POSTN: variants seen among roughly 807,000 people sequenced by gnomAD.
POSTN encodes the protein periostin.
POSTN carries 71 observed loss-of-function variants against 104.5 expected under a neutral mutation model. The observed-to-expected ratio is 0.68, with a 90% CI of 0.56 to 0.83. POSTN has a LOEUF of 0.83. Ranked by LOEUF, POSTN falls within the 40% of genes least tolerant of loss-of-function variation. The pLI, the probability that POSTN is intolerant of heterozygous loss-of-function variation, is 0.00. For missense variants in POSTN, 949 were observed against 1,006.8 expected (o/e 0.94, Z 0.78); for synonymous variants, 355 against 340.7 (o/e 1.04, Z -0.46).
chr13:37,585,951 T>G (rs573996037), intron 7 of POSTN, among the ~76,000 whole-genome samples, 188 bp downstream of exon 7: 4 of 152,212 alleles, frequency 2.6e-5, no homozygotes, highest in Non-Finnish European at 5.9e-5. Flanking sequence ...TTGAGAGTAT[T>G]CTTATTATTT....
intron 2 of POSTN, among the ~76,000 whole-genome samples, chr13:37,596,342 A>G (rs949710343): frequency 6.6e-6 from 1 of 152,108 alleles, no homozygotes. Context: ...TGATTGCATT[A>G]CTTGCCCTAT....
chr13:37,595,340 T>C (rs1255625040), intron 2 of POSTN, among the ~76,000 whole-genome samples: 1 of 152,216 alleles, frequency 6.6e-6, no homozygotes, highest in Non-Finnish European at 1.5e-5. Context: ...GCAGAGATCA[T>C]TGTAACAACT....
intron 2 of POSTN, 33 bp from the exon 3 acceptor site, chr13:37,592,197 A>G: frequency 7.9e-7 from 1 of 1,260,724 alleles, no homozygotes. Context: ...TATTAAAATG[A>G]GAAACTAAAT....
chr13:37,567,621 A>C (rs930183793), intron 21 of POSTN, among the ~76,000 whole-genome samples: 2 of 152,126 alleles, frequency 1.3e-5, no homozygotes, highest in African/African-American at 4.8e-5. Context: ...TTGTTTTTTC[A>C]CAATGCTATA....
chr13:37,565,046 G>T (rs535472798), intron 21 of POSTN: 1 of 152,728 alleles, frequency 6.5e-6, no homozygotes, highest in Non-Finnish European at 1.5e-5. Context: ...GTACATTGAC[G>T]ACAACAAAGT....
At chr13:37,587,306 C>G (rs1319869396) in intron 5 of POSTN, among the ~76,000 whole-genome samples, 1 of 152,052 alleles carries the variant, frequency 6.6e-6, no homozygotes, top group Admixed American at 6.6e-5. Context: ...GAGGGAGAAA[C>G]AAATAATTAT....
chr13:37,597,266 G>C lies in POSTN; in HGVS notation c.136C>G (p.Leu46Val). Residue 46 changes from leucine (L) to valine (V), a missense_variant, in exon 2 of 23, where the codon CTT becomes GTT. Coordinates refer to ENST00000379747, the MANE Select transcript of POSTN (RefSeq NM_006475.3). ...GRDQGPNVCA[L>V]QQILGTKKKY... ...TTTTTGGTGCCCAAAATCTGTTGAA[G>C]GGCACAGACATTTGGGCTGGAGGAT... The C allele has an allele frequency of 2.5e-6, 4 of 1,583,696 alleles. 1 individual carries two copies. In the South Asian group the frequency reaches 4.7e-5, roughly 19 times the overall value.
At chr13:37,577,973 T>C (rs1238543819) in intron 15 of POSTN, among the ~76,000 whole-genome samples, 175 bp from the exon 16 acceptor site, 2 of 151,310 alleles carry the variant, frequency 1.3e-5, no homozygotes, top group African/African-American at 4.8e-5. Context: ...TCAGAGGGCA[T>C]AAAAATCATT....
At chr13:37,596,250 G>A (rs1423040816) in intron 2 of POSTN, among the ~76,000 whole-genome samples, 1 of 152,144 alleles carries the variant, frequency 6.6e-6, no homozygotes, top group East Asian at 1.9e-4. Context: ...ATCCTTCACT[G>A]AGGGTGGACT....
chr13:37,585,148 G>C (rs908449353), intron 7 of POSTN, among the ~76,000 whole-genome samples: 1 of 152,186 alleles, frequency 6.6e-6, no homozygotes, highest in Non-Finnish European at 1.5e-5. Flanking sequence ...GAGGAGATCA[G>C]CTTCAGGAAA....
In POSTN at chr13:37,597,258, C is replaced by G. The variant is rs1440966085; in HGVS notation, c.144G>C (p.Gln48His). The change falls in exon 2 of 23, where the codon CAG becomes CAC. Residue 48 changes from glutamine to histidine, a missense_variant. Coordinates refer to ENST00000379747, the MANE Select transcript of POSTN (RefSeq NM_006475.3). ...DQGPNVCALQQILGTKKKYFS... is the reference protein window; with the variant it reads ...DQGPNVCALQHILGTKKKYFS... ...AGTATTTCTTTTTGGTGCCCAAAAT[C>G]TGTTGAAGGGCACAGACATTTGGGC... 1 of 1,585,216 alleles carries G rather than the reference C, an allele frequency of 6.3e-7. No homozygotes were observed. The highest frequency in any genetic ancestry group is 1.8e-5 in the Admixed American group (1 of 54,396).
intron 9 of POSTN, 42 bp from the exon 10 acceptor site, chr13:37,582,556 A>G: frequency 6.6e-7 from 1 of 1,525,512 alleles, no homozygotes; most frequent in Non-Finnish European, 8.9e-7. Flanking sequence ...TTTTATTTAG[A>G]AAACATTGAA....
Position 37,563,370 on chromosome 13 carries a change from C to A in POSTN, c.2474G>T (p.Gly825Val). Residue 825 changes from glycine (G) to valine (V), a missense_variant and splice_region_variant, in exon 23 of 23, where the codon GGA becomes GTA. By Grantham distance (109) the Gly-to-Val change is moderately radical. Transcript: ENST00000379747. ...ACCTTCCCTTAATCGTCTTCTAGAT[C>A]CTAATTAGAAAGAAAGGAGAATGTA... Reference protein sequence around the residue: ...RKLQANKKVQGSRRRLREGRS... With the variant: ...RKLQANKKVQVSRRRLREGRS... The A allele has an allele frequency of 1.3e-6, 2 of 1,575,398 alleles. No homozygotes were observed. The highest frequency in any genetic ancestry group is 1.7e-6 in the Non-Finnish European group (2 of 1,152,004).
intron 4 of POSTN, among the ~76,000 whole-genome samples, chr13:37,589,072 CA>C (rs758100037): frequency 4.0e-5 from 6 of 151,432 alleles, no homozygotes; most frequent in Admixed American, 2.0e-4. Flanking sequence ...GAAAAGACAA[CA>C]AAAAAAACCA....
chr13:37,584,956 T>G, intron 7 of POSTN, 28 bp from the exon 8 acceptor site: 1 of 1,610,628 alleles, frequency 6.2e-7, no homozygotes, highest in Non-Finnish European at 8.5e-7. Context: ...AACAGGTAGC[T>G]TTCAGATCAA....
chr13:37,578,993 T>C (rs7322993), intron 14 of POSTN, 26 bp downstream of exon 14: 1,068,220 of 1,604,724 alleles, frequency 0.67, 358,116 homozygotes, highest in East Asian at 0.87. Context: ...AGACTTAGCC[T>C]ATCAATGAGT....
At chr13:37,592,078 A>T (rs1425510543) in intron 3 of POSTN, 22 bp downstream of exon 3, 1 of 1,557,142 alleles carries the variant, frequency 6.4e-7, no homozygotes, top group East Asian at 2.2e-5. Context: ...TCCTTATTTA[A>T]TTCAAAAAAT....
intron 9 of POSTN, 122 bp from the exon 10 acceptor site, chr13:37,582,636 C>G: frequency 3.3e-6 from 3 of 903,612 alleles, no homozygotes; most frequent in Non-Finnish European, 4.8e-6. Context: ...GGATTTTGCA[C>G]TCATATAATA....
At chr13:37,594,556 C>T (rs1951032540) in intron 2 of POSTN, among the ~76,000 whole-genome samples, 1 of 151,990 alleles carries the variant, frequency 6.6e-6, no homozygotes, top group Non-Finnish European at 1.5e-5. Context: ...TAGCTCTAAA[C>T]ATGAGAAATT....
Sources: allele counts gnomAD v4.1 joint callset (sites outside exome capture counted in the v4.1 genomes callset), GRCh38; gene constraint gnomAD v4.1.1; transcripts MANE v1.5; gene names NCBI Gene and HGNC (gene_info 2026-07-23, HGNC 2026-07-21).